The following SCUBE1 variants were observed in gnomAD, a reference collection of about 807,000 sequenced individuals.
The protein encoded by SCUBE1 is signal peptide, CUB and EGF-like domain-containing protein 1.
A neutral mutation model predicts 124.4 loss-of-function variants in SCUBE1; 59 were observed. The observed-to-expected ratio is 0.47, with a 90% CI of 0.38 to 0.59. The LOEUF (loss-of-function observed/expected upper bound fraction) is 0.59. Among genes scored for constraint, SCUBE1 ranks in the 20% least tolerant of loss-of-function variants. The pLI is 0.00. For missense variants in SCUBE1, 1,150 were observed against 1,371.2 expected, an observed-to-expected ratio of 0.84 and a Z score of 2.55; for synonymous variants, 545 against 550.9, an observed-to-expected ratio of 0.99 and a Z score of 0.15.
chr22:43,296,085 G>A (rs937830645), intron 3 of SCUBE1, among the ~76,000 whole-genome samples: 1 of 152,228 alleles, frequency 6.6e-6, no homozygotes, highest in African/African-American at 2.4e-5. Context: ...CCTGGATGCT[G>A]GGCTAAGAGG....
At chr22:43,289,154 G>A (rs188922588) in intron 4 of SCUBE1, among the ~76,000 whole-genome samples, 330 of 152,332 alleles carry the variant, frequency 2.2e-3, no homozygotes, top group Admixed American at 3.5e-3. Context: ...CCTGGCCTGG[G>A]ACTTTACAGC....
intron 15 of SCUBE1, among the ~76,000 whole-genome samples, chr22:43,215,091 C>T (rs1921751708): frequency 6.6e-6 from 1 of 152,184 alleles, no homozygotes; most frequent in African/African-American, 2.4e-5. Context: ...CAATGAATAT[C>T]CCAGATTTTG....
chr22:43,262,523 G>A (rs547043644), intron 5 of SCUBE1, among the ~76,000 whole-genome samples, 197 bp downstream of exon 5: 2 of 152,248 alleles, frequency 1.3e-5, no homozygotes, highest in East Asian at 1.9e-4. Context: ...TGCTTGGTGC[G>A]GAAAACCCCA....
At position 43,211,176 on chromosome 22, in the gene SCUBE1, G is replaced by A. The variant is rs1921535875; in HGVS notation, c.2222-93C>T. ...TGTCCCCAGGACCTCTCATGCCCTC[G>A]AGGTCTGTTTTGGCACAGAGTTCAA... On this transcript the variant is annotated intron_variant, in intron 17 of 21. Transcript: ENST00000360835. The surrounding 1 kb of genome is among the most constrained non-coding windows in gnomAD (Gnocchi z 4.5). 2.9e-6 allele frequency: 4 copies of A among 1,356,758 alleles called. No individual in the cohort carries two copies. Among genetic ancestry groups the A allele is most frequent in the South Asian group, 2.7e-5 (2 of 74,844 alleles). The allele number at this position is 1,356,758 out of a possible 1,614,324, so 84.0% of individuals were successfully genotyped here.
At chr22:43,311,821 ATCTTTACC>A (rs1207641735) in intron 3 of SCUBE1, among the ~76,000 whole-genome samples, 19 of 152,104 alleles carry the variant, frequency 1.2e-4, no homozygotes, top group Non-Finnish European at 5.9e-5. Context: ...CATCTAATTA[ATCTTTACC>A]TCTGCCCTAT....
chr22:43,317,926 G>C (rs1926408448), intron 3 of SCUBE1, among the ~76,000 whole-genome samples: 1 of 152,180 alleles, frequency 6.6e-6, no homozygotes, highest in Non-Finnish European at 1.5e-5. Flanking sequence ...GACACACATA[G>C]AGCTGAGACA....
intron 3 of SCUBE1, among the ~76,000 whole-genome samples, chr22:43,293,271 G>T (rs946343625): frequency 6.6e-6 from 1 of 152,246 alleles, no homozygotes; most frequent in South Asian, 2.1e-4. Flanking sequence ...AGGCCCACGC[G>T]ATCCTCACAG....
chr22:43,288,843 C>A (rs1395971299), intron 4 of SCUBE1, among the ~76,000 whole-genome samples: 1 of 152,214 alleles, frequency 6.6e-6, no homozygotes, highest in Non-Finnish European at 1.5e-5. Context: ...AGTGCTCAGG[C>A]CCGTGCCTGG....
At chr22:43,332,463 G>A (rs1252896835) in intron 2 of SCUBE1, among the ~76,000 whole-genome samples, 2 of 152,140 alleles carry the variant, frequency 1.3e-5, no homozygotes, top group Non-Finnish European at 2.9e-5. Context: ...CAGAGGGGCT[G>A]TACAGCTCCC....
chr22:43,281,514 A>AGCCATCCTCCTGTCAACTCCCTCTTTG (rs753998779), intron 4 of SCUBE1, among the ~76,000 whole-genome samples: 1 of 51,420 alleles, frequency 1.9e-5, no homozygotes, highest in Non-Finnish European at 3.4e-5. Flanking sequence ...CCTCCTCCTC[A>AGCCATCCTCCTGTCAACTCCCTCTTTG]GCCACCCTCC....
chr22:43,265,248 C>T (rs1027830287), intron 4 of SCUBE1, among the ~76,000 whole-genome samples: 8 of 152,206 alleles, frequency 5.3e-5, no homozygotes, highest in Admixed American at 2.0e-4. Context: ...CTTCTTGAGA[C>T]TCTAAAGACT....
chr22:43,228,768 G>A (rs2146676263), intron 9 of SCUBE1, among the ~76,000 whole-genome samples: 1 of 152,266 alleles, frequency 6.6e-6, no homozygotes, highest in Non-Finnish European at 1.5e-5. Flanking sequence ...ATGTATTGGT[G>A]CCCCCGCTCC....
chr22:43,242,192 G>A (rs1276124346), intron 6 of SCUBE1, among the ~76,000 whole-genome samples: 1 of 152,202 alleles, frequency 6.6e-6, no homozygotes, highest in Non-Finnish European at 1.5e-5. Flanking sequence ...CGAGCACCGC[G>A]TCCCTGGGAG....
intron 2 of SCUBE1, among the ~76,000 whole-genome samples, chr22:43,335,667 C>A (rs1348876015): frequency 6.6e-6 from 1 of 152,070 alleles, no homozygotes; most frequent in Non-Finnish European, 1.5e-5. Context: ...CAGAACTGAG[C>A]AATTTTCAAA....
intron 3 of SCUBE1, among the ~76,000 whole-genome samples, chr22:43,304,598 G>A (rs1925897889): frequency 6.6e-6 from 1 of 152,208 alleles, no homozygotes; most frequent in Non-Finnish European, 1.5e-5. Context: ...GTGTGTGTGT[G>A]TGTCTGTGTG....
rs984481534 is a variant in SCUBE1, at chr22:43,255,777, G to C, written c.727+2442C>G. On this transcript the variant is annotated intron_variant, in intron 6 of 21. Transcript: ENST00000360835. This position sits in a 1 kb window ranked among gnomAD's most constrained non-coding sequence, Gnocchi z 4.7. ...AGGGCAAAGCAGAGAGGCAGCGAGG[G>C]CGGGGGCGGGGGGACGTGCAGGAAA... Among the ~76,000 whole-genome samples, 1 of 152,178 alleles carries C rather than the reference G, an allele frequency of 6.6e-6. No homozygotes were observed. The highest frequency in any genetic ancestry group is 1.5e-5 in the Non-Finnish European group (1 of 68,032).
chr22:43,203,557 G>A lies in SCUBE1; in HGVS notation c.*440C>T, dbSNP rs781723133. 6.6e-4 allele frequency: 104 copies of A among 157,602 alleles called. No individual in the cohort carries two copies. Among genetic ancestry groups the A allele is most frequent in the Non-Finnish European group, 1.1e-3 (81 of 71,618 alleles). The allele number at this position is 157,602 out of a possible 1,614,324, so 9.8% of individuals were successfully genotyped here. ...GGAGTTGGCAAAGCGTGGGGCCCGC[G>A]GATGCCAGCACAGGCTCATCGACCT... On this transcript the variant is annotated 3_prime_UTR_variant, in exon 22 of 22. Transcript: ENST00000360835.
intron 1 of SCUBE1, among the ~76,000 whole-genome samples, chr22:43,341,418 C>A (rs1175407209): frequency 6.6e-6 from 1 of 152,194 alleles, no homozygotes; most frequent in Non-Finnish European, 1.5e-5. Context: ...ACTTATGAGA[C>A]AGGACCAGCA....
intron 3 of SCUBE1, among the ~76,000 whole-genome samples, chr22:43,294,471 C>A (rs186305361): frequency 8.5e-4 from 129 of 152,324 alleles, no homozygotes; most frequent in African/African-American, 2.9e-3. Flanking sequence ...AGAAACAGTA[C>A]TTTGGCCCTC....
Sources: allele counts gnomAD v4.1 joint callset (sites outside exome capture counted in the v4.1 genomes callset), GRCh38; gene constraint gnomAD v4.1.1; non-coding constraint Gnocchi (gnomAD v3.1); transcripts MANE v1.5; gene names NCBI Gene and HGNC (gene_info 2026-07-23, HGNC 2026-07-21).